ANGEL1: variants seen among roughly 807,000 people sequenced by gnomAD.
ANGEL1 encodes the protein angel homolog 1.
A neutral mutation model predicts 76.4 loss-of-function variants in ANGEL1; 62 were observed. The observed-to-expected ratio is 0.81, with a 90% CI of 0.66 to 1.00. The LOEUF is 1.00. ANGEL1 is among the 50% of genes least tolerant of loss of function. The probability of loss-of-function intolerance (pLI) is 0.00; values close to 1 mark genes in which losing one functional copy is unlikely to be tolerated. For missense variants in ANGEL1, 737 were observed against 836.7 expected, an observed-to-expected ratio of 0.88 and a Z score of 1.47; for synonymous variants, 340 against 331.7, an observed-to-expected ratio of 1.03 and a Z score of -0.27.
At chr14:76,789,967 C>T (rs1419998309) in intron 9 of ANGEL1, among the ~76,000 whole-genome samples, 1 of 151,446 alleles carries the variant, frequency 6.6e-6, no homozygotes, top group Admixed American at 6.6e-5. Context: ...CGAGTTCAAG[C>T]GATTCTCCTG....
chr14:76,804,263 G>A lies in ANGEL1; in HGVS notation c.1381-351C>T, dbSNP rs141837024. 1.6e-3 allele frequency: 2,100 copies of A among 1,334,888 alleles called. 5 individuals carry two copies. Among genetic ancestry groups the A allele is most frequent in the Non-Finnish European group, 1.9e-3 (1,942 of 1,045,982 alleles). 82.7% of individuals were successfully genotyped at this position (1,334,888 alleles called of 1,614,324 possible). Reference sequence around the variant, plus strand: ...CTCTCAGGGGCTTTAAGTTGCAATGGTTAAAGGTTTATCCTCATCTTTGGA... The same window carrying A: ...CTCTCAGGGGCTTTAAGTTGCAATGATTAAAGGTTTATCCTCATCTTTGGA... On this transcript the variant is annotated intron_variant, in intron 5 of 9. Transcript: ENST00000251089.
rs752122880 is a variant in ANGEL1, at chr14:76,803,348, A to G, written c.1618+23T>C. On this transcript the variant is annotated intron_variant, in intron 7 of 9. Transcript: ENST00000251089. ...GGAATGAGGAAGAAAGAAGACCAAG[A>G]AACTGGGATTAGTTCCCATTACCTG... 3.0e-5 allele frequency: 47 copies of G among 1,583,582 alleles called. 1 individual carries two copies.
At chr14:76,809,011 C>A in intron 2 of ANGEL1, 48 bp downstream of exon 2, 1 of 1,543,536 alleles carries the variant, frequency 6.5e-7, no homozygotes, top group East Asian at 2.3e-5. Context: ...CTGCCCACAC[C>A]TGAGACACCC....
intron 7 of ANGEL1, among the ~76,000 whole-genome samples, chr14:76,794,249 A>G (rs1894507206): frequency 6.6e-6 from 1 of 152,188 alleles, no homozygotes; most frequent in Admixed American, 6.5e-5. Context: ...AAGCCAATTA[A>G]TTATACACTT....
At chr14:76,812,202 G>A (rs1038839572) in intron 1 of ANGEL1, 35 of 978,646 alleles carry the variant, frequency 3.6e-5, no homozygotes, top group Middle Eastern at 5.2e-4. Context: ...ATGCTCCAAA[G>A]CTGAGATCTA....
rs748563956 is a variant in ANGEL1, at chr14:76,806,660, C to T, written c.1136G>A (p.Gly379Glu). Residue 379 changes from glycine (G) to glutamate (E), a missense_variant, in exon 5 of 10, where the codon GGA (glycine) becomes GAA (glutamate). Gly to Glu is a moderately conservative substitution (Grantham distance 98, BLOSUM62 -2). Transcript: ENST00000251089. ...LLQPLVPEGLGQVSVAPLCVA... is the reference protein window; with the variant it reads ...LLQPLVPEGLEQVSVAPLCVA... ...ACACAGCGGGGCCACCGAGACTTGTCCCAGGCCTTCTGGGACGAGTGGTTG... is the reference window on the plus strand; with the variant it reads ...ACACAGCGGGGCCACCGAGACTTGTTCCAGGCCTTCTGGGACGAGTGGTTG... The T allele has an allele frequency of 2.2e-5, 35 of 1,613,920 alleles. No individual in the cohort carries two copies. The Middle Eastern group carries it at 4.9e-4, about 23-fold the overall frequency.
intron 7 of ANGEL1, among the ~76,000 whole-genome samples, chr14:76,798,909 G>A (rs901428191): frequency 5.3e-5 from 8 of 149,624 alleles, no homozygotes; most frequent in African/African-American, 1.5e-4. Flanking sequence ...ACTGTGTCAC[G>A]GCACTCTAGC....
Position 76,812,870 on chromosome 14 carries a change from C to G in ANGEL1, c.-43G>C. ...CGCCTCCGCTCCTCACTGCAGCCAG[C>G]AGGTCCTCCCTCAGCTCGGCCCCGC... On this transcript the variant is annotated 5_prime_UTR_variant, in exon 1 of 10. Coordinates refer to ENST00000251089, the MANE Select transcript of ANGEL1 (RefSeq NM_015305.4). 1 of 1,476,748 alleles carries G rather than the reference C, an allele frequency of 6.8e-7. No homozygotes were observed. The allele number at this position is 1,476,748 out of a possible 1,614,324, so 91.5% of individuals were successfully genotyped here. A position where few individuals can be genotyped will look rare whatever the true frequency, so the allele number is the denominator to read the frequency against.
At chr14:76,803,533 C>G (rs1337928557) in intron 6 of ANGEL1, 52 bp from the exon 7 acceptor site, 1 of 1,567,060 alleles carries the variant, frequency 6.4e-7, no homozygotes, top group Non-Finnish European at 8.8e-7. Flanking sequence ...AAGCCACATG[C>G]TGAGACCTCC....
chr14:76,793,413 GAA>G (rs1208593996), intron 7 of ANGEL1, among the ~76,000 whole-genome samples: 10 of 63,736 alleles, frequency 1.6e-4, no homozygotes, highest in Middle Eastern at 7.2e-3. Context: ...GGGATAAAAG[GAA>G]AGAGGAGAGG....
chr14:76,807,497 C>G lies in ANGEL1; in HGVS notation c.882G>C (p.Leu294=). ...GATCTTCCTGGACTTCCTGGAGACA[C>G]AGGATCTGGGAAATTGACAAGAAAC... ...QEFQHWDPDI[L]CLQEVQEDHY... is the part of the protein sequence containing the mutation. The change falls in exon 4 of 10, where the codon CTG becomes CTC. Residue 294 remains leucine, a synonymous_variant. Coordinates refer to ENST00000251089, the MANE Select transcript of ANGEL1 (RefSeq NM_015305.4). 6.2e-7 allele frequency: 1 copy of G among 1,613,486 alleles called. No homozygotes were observed. Among genetic ancestry groups the G allele is most frequent in the Non-Finnish European group, 8.5e-7 (1 of 1,179,826 alleles).
At chr14:76,812,301 T>C in intron 1 of ANGEL1, 1 of 994,694 alleles carries the variant, frequency 1.0e-6, no homozygotes, top group Non-Finnish European at 1.2e-6. Context: ...AGTGTGAAGT[T>C]AACCTGGGGA....
rs1895116009 is a variant in ANGEL1 at position 76,812,453 on chromosome 14, T to A, written c.64+311A>T. 8.5e-6 allele frequency: 10 copies of A among 1,177,624 alleles called. No homozygotes were observed. In the South Asian group the frequency reaches 3.7e-4, roughly 44 times the overall value. 72.9% of individuals were successfully genotyped at this position (1,177,624 alleles called of 1,614,324 possible). A position where few individuals can be genotyped will look rare whatever the true frequency, so the allele number is the denominator to read the frequency against. On this transcript the variant is annotated intron_variant, in intron 1 of 9. Transcript: ENST00000251089. Reference sequence around the variant, plus strand: ...TGCTGACTTGGCCGACCCCACAATTTCTCTGCACCCCCAGGGCCAGGAAAG... The same window carrying A: ...TGCTGACTTGGCCGACCCCACAATTACTCTGCACCCCCAGGGCCAGGAAAG...
rs111601684 is a variant in ANGEL1, at chr14:76,793,218, T to A, written c.1619-1852A>T. On this transcript the variant is annotated intron_variant, in intron 7 of 9. Coordinates refer to ENST00000251089, the MANE Select transcript of ANGEL1 (RefSeq NM_015305.4). ...ACAAAACTTGGAAAGAAACTAAAGA[T>A]CTAAATAAGGAAAACCAGCCCATGT... Among the ~76,000 whole-genome samples, 5 of 149,354 alleles carry A rather than the reference T, an allele frequency of 3.3e-5. 1 individual carries two copies. Among genetic ancestry groups the A allele is most frequent in the African/African-American group, 1.2e-4 (5 of 40,416 alleles).
At chr14:76,808,194 C>T (rs546123293) in intron 2 of ANGEL1, 46 bp from the exon 3 acceptor site, 2 of 1,539,552 alleles carry the variant, frequency 1.3e-6, no homozygotes, top group Non-Finnish European at 1.8e-6. Context: ...ATGAGTAATG[C>T]AGAGGTGCTG....
chr14:76,804,510 TAAC>T (rs1167497468), intron 5 of ANGEL1: 1 of 941,340 alleles, frequency 1.1e-6, no homozygotes, highest in Non-Finnish European at 1.3e-6. Context: ...TTATGCCATT[TAAC>T]AACAACAAAT....
At chr14:76,807,377 G>T in intron 4 of ANGEL1, 56 bp downstream of exon 4, 2 of 1,530,372 alleles carry the variant, frequency 1.3e-6, no homozygotes, top group Non-Finnish European at 1.8e-6. Context: ...CTTCAGGAGA[G>T]AGTAGACAAG....
At chr14:76,808,273 C>T in intron 2 of ANGEL1, 125 bp from the exon 3 acceptor site, 1 of 761,100 alleles carries the variant, frequency 1.3e-6, no homozygotes, top group South Asian at 1.8e-5. Context: ...GTCACCCATC[C>T]CTCTCTGTGG....
intron 7 of ANGEL1, among the ~76,000 whole-genome samples, chr14:76,798,364 T>A (rs1374894091): frequency 6.6e-6 from 1 of 152,016 alleles, no homozygotes; most frequent in Non-Finnish European, 1.5e-5. Context: ...TGGCCTCAAG[T>A]AATCCTTCCA....
Sources: allele counts gnomAD v4.1 joint callset (sites outside exome capture counted in the v4.1 genomes callset), GRCh38; gene constraint gnomAD v4.1.1; transcripts MANE v1.5; gene names NCBI Gene and HGNC (gene_info 2026-07-23, HGNC 2026-07-21).